The following PIK3R1 variants were observed in gnomAD, a reference collection of about 807,000 sequenced individuals.
The protein encoded by PIK3R1 is phosphatidylinositol 3-kinase regulatory subunit alpha.
Under a neutral mutation model 98.0 loss-of-function variants are expected in PIK3R1, and 29 were observed. That is an observed-to-expected ratio of 0.30 (90% CI 0.22 to 0.40). The LOEUF (loss-of-function observed/expected upper bound fraction) is 0.40, where lower values mean the gene tolerates loss of function less well. PIK3R1 is among the 10% of genes least tolerant of loss of function. PIK3R1 has a pLI of 1.00. For synonymous variants in PIK3R1, 282 were observed against 311.8 expected (o/e 0.90, Z 1.01); for missense variants, 596 against 872.7 (o/e 0.68, Z 3.99).
chr5:68,231,548 T>C (rs1239248946), intron 2 of PIK3R1, among the ~76,000 whole-genome samples: 1 of 152,192 alleles, frequency 6.6e-6, no homozygotes, highest in African/African-American at 2.4e-5. Flanking sequence ...TTGTTCCCTG[T>C]CCAGAAAGCA....
At position 68,299,843 on chromosome 5, in the gene PIK3R1, C is replaced by A; in HGVS notation, c.*2242C>A. The A allele has an allele frequency of 4.3e-6, 1 of 233,228 alleles. No homozygotes were observed. The highest frequency in any genetic ancestry group is 8.5e-6 in the Non-Finnish European group (1 of 118,022). 14.4% of individuals were successfully genotyped at this position (233,228 alleles called of 1,614,324 possible). A position where few individuals can be genotyped will look rare whatever the true frequency, so the allele number is the denominator to read the frequency against. On this transcript the variant is annotated 3_prime_UTR_variant, in exon 16 of 16. Coordinates refer to ENST00000521381, the MANE Select transcript of PIK3R1 (RefSeq NM_181523.3). Reference sequence around the variant, plus strand: ...GTCTTATAGCAAGACTGTTAGCCCTCAAACTTGACTCTACTGATCTGACCA... The same window carrying A: ...GTCTTATAGCAAGACTGTTAGCCCTAAAACTTGACTCTACTGATCTGACCA...
At chr5:68,295,019 ATGACAGG>A in intron 12 of PIK3R1, 122 bp from the exon 13 acceptor site, 11 of 514,186 alleles carry the variant, frequency 2.1e-5, no homozygotes. Flanking sequence ...AAAAAAAAAA[ATGACAGG>A]AAGAGAAGCC....
intron 1 of PIK3R1, among the ~76,000 whole-genome samples, chr5:68,224,904 C>T (rs977672662): frequency 2.8e-4 from 43 of 152,382 alleles, no homozygotes; most frequent in African/African-American, 1.0e-3. Context: ...AAAACACTTA[C>T]ATTTCACATT....
chr5:68,256,873 G>C (rs1238745616), intron 2 of PIK3R1, among the ~76,000 whole-genome samples: 1 of 152,172 alleles, frequency 6.6e-6, no homozygotes, highest in Non-Finnish European at 1.5e-5. Context: ...ACATTCACCT[G>C]GCCAGTTTTA....
At position 68,259,632 on chromosome 5, in the gene PIK3R1, T is replaced by C. The variant is rs549679090; in HGVS notation, c.335-13758T>C. ...ATATCTTAGACAAAGAAAATTACAG[T>C]AAGTAGAGAAATGGATCAAAGAGTG... On this transcript the variant is annotated intron_variant, in intron 2 of 15. Coordinates refer to ENST00000521381, the MANE Select transcript of PIK3R1 (RefSeq NM_181523.3). Among the ~76,000 whole-genome samples, 48 of 152,350 alleles carry C rather than the reference T, an allele frequency of 3.2e-4. No homozygotes were observed. The South Asian group carries it at 5.4e-3, about 17-fold the overall frequency.
rs1748048558 is a variant in PIK3R1, at chr5:68,301,384, G to GTATA, written c.*3784_*3785insATAT. ...TATATATATGTGTGTGTGTGTGTGT[G>GTATA]TGTGTGTGTATATATATATATATAT... is the stretch of plus-strand genomic sequence containing the variant. On this transcript the variant is annotated 3_prime_UTR_variant, in exon 16 of 16. Transcript: ENST00000521381. 1.9e-5 allele frequency: 1 copy of GTATA among 53,976 alleles called. No individual in the cohort carries two copies. Among genetic ancestry groups the GTATA allele is most frequent in the African/African-American group, 7.1e-5 (1 of 14,018 alleles). 3.3% of individuals were successfully genotyped at this position (53,976 alleles called of 1,614,324 possible). A position where few individuals can be genotyped will look rare whatever the true frequency, so the allele number is the denominator to read the frequency against.
rs1220784991 is a variant in PIK3R1, at chr5:68,294,560, A to G, written c.1450A>G (p.Ile484Val). 3.7e-6 allele frequency: 6 copies of G among 1,610,430 alleles called. No individual in the cohort carries two copies. Among genetic ancestry groups the G allele is most frequent in the Non-Finnish European group, 5.1e-6 (6 of 1,177,880 alleles). The change falls in exon 12 of 16, where the codon ATT (isoleucine) becomes GTT (valine). Residue 484 changes from isoleucine to valine, a missense_variant. Around this residue, in one of 3 missense-constraint regions of PIK3R1, gnomAD observed 207 missense variants for 361.4 expected, o/e 0.57. Transcript: ENST00000521381. ...SQEIQMKRTA[I>V]EAFNETIKIF... ...GGAAATCCAAATGAAAAGGACAGCT[A>G]TTGAAGCATTTAATGAAACCATAAA...
intron 2 of PIK3R1, among the ~76,000 whole-genome samples, chr5:68,260,679 C>G (rs1440272681): frequency 6.6e-6 from 1 of 152,168 alleles, no homozygotes; most frequent in Non-Finnish European, 1.5e-5. Context: ...AGGCTGTTAT[C>G]ATGACTCAAG....
intron 2 of PIK3R1, among the ~76,000 whole-genome samples, chr5:68,258,926 C>G (rs1336430004): frequency 6.6e-6 from 1 of 152,176 alleles, no homozygotes; most frequent in East Asian, 1.9e-4. Context: ...CTAATACATG[C>G]TAACAGTAAA....
intron 4 of PIK3R1, among the ~76,000 whole-genome samples, chr5:68,276,321 T>A (rs1306783710): frequency 6.6e-6 from 1 of 152,130 alleles, no homozygotes; most frequent in Non-Finnish European, 1.5e-5. Flanking sequence ...AGCAGCATTC[T>A]CCCCCAGTTG....
chr5:68,239,174 T>C (rs891474492), intron 2 of PIK3R1, among the ~76,000 whole-genome samples: 2 of 152,192 alleles, frequency 1.3e-5, no homozygotes, highest in African/African-American at 4.8e-5. Context: ...CTTTTTATTG[T>C]TAAGCTTTAT....
Position 68,215,810 on chromosome 5 carries a change from A to T in PIK3R1, c.-526A>T. On this transcript the variant is annotated 5_prime_UTR_variant, in exon 1 of 16. Coordinates refer to ENST00000521381, the MANE Select transcript of PIK3R1 (RefSeq NM_181523.3). ...AAGCAGCGGCAGCGGCGAGGGCGGC[A>T]GGCTAGCTGTCGGAGACGGCAAGCA... 6.6e-6 allele frequency: 1 copy of T among 152,630 alleles called. No individual in the cohort carries two copies. Among genetic ancestry groups the T allele is most frequent in the Non-Finnish European group, 1.5e-5 (1 of 68,516 alleles). 9.5% of individuals were successfully genotyped at this position (152,630 alleles called of 1,614,324 possible).
intron 2 of PIK3R1, among the ~76,000 whole-genome samples, chr5:68,249,778 G>C (rs1026963638): frequency 6.6e-6 from 1 of 152,096 alleles, no homozygotes; most frequent in Non-Finnish European, 1.5e-5. Context: ...GGGGTGGGGG[G>C]CGTTAACATA....
At chr5:68,266,443 C>A (rs1034241105) in intron 2 of PIK3R1, among the ~76,000 whole-genome samples, 1 of 152,148 alleles carries the variant, frequency 6.6e-6, no homozygotes, top group Non-Finnish European at 1.5e-5. Context: ...TAATTATCTG[C>A]ATTTCAAAGT....
At chr5:68,270,686 AG>A (rs1746318731) in intron 2 of PIK3R1, among the ~76,000 whole-genome samples, 1 of 152,174 alleles carries the variant, frequency 6.6e-6, no homozygotes, top group African/African-American at 2.4e-5. Flanking sequence ...GAGGGGCCTA[AG>A]GAGTGACACA....
intron 2 of PIK3R1, among the ~76,000 whole-genome samples, chr5:68,268,421 A>G (rs2112145704): frequency 6.6e-6 from 1 of 152,302 alleles, no homozygotes; most frequent in Middle Eastern, 3.4e-3. Context: ...TACAAGCATA[A>G]AGTATGAATA....
intron 2 of PIK3R1, among the ~76,000 whole-genome samples, chr5:68,239,104 G>A (rs1331721122): frequency 6.6e-6 from 1 of 152,128 alleles, no homozygotes; most frequent in East Asian, 1.9e-4. Context: ...TCGTTGATAA[G>A]CAGGAGCTCA....
intron 7 of PIK3R1, chr5:68,291,903 TCTTA>T (rs1312538798): frequency 6.0e-6 from 1 of 168,066 alleles, no homozygotes; most frequent in Non-Finnish European, 1.3e-5. Flanking sequence ...GTTCATAGTT[TCTTA>T]CTTTAGATGG....
At chr5:68,262,632 T>C (rs564945406) in intron 2 of PIK3R1, among the ~76,000 whole-genome samples, 4 of 139,262 alleles carry the variant, frequency 2.9e-5, no homozygotes, top group East Asian at 4.1e-4. Flanking sequence ...GATGCATGTA[T>C]ACACATGTAT....
Sources: allele counts gnomAD v4.1 joint callset (sites outside exome capture counted in the v4.1 genomes callset), GRCh38; gene constraint gnomAD v4.1.1; regional missense constraint gnomAD v4.1.1; transcripts MANE v1.5; gene names NCBI Gene and HGNC (gene_info 2026-07-23, HGNC 2026-07-21).